MACROD2: variants seen among roughly 807,000 people sequenced by gnomAD.
MACROD2 encodes mono-ADP ribosylhydrolase 2.
MACROD2 carries 36 observed loss-of-function variants against 70.4 expected under a neutral mutation model. That is an observed-to-expected ratio of 0.51 (90% CI 0.39 to 0.68). The LOEUF is 0.68. MACROD2 is among the 30% of genes least tolerant of loss of function. The probability of loss-of-function intolerance (pLI) is 0.00; values close to 1 mark genes in which losing one functional copy is unlikely to be tolerated. For synonymous variants in MACROD2, 172 were observed against 178.8 expected (o/e 0.96, Z 0.30); for missense variants, 496 against 538.4 (o/e 0.92, Z 0.78).
chr20:14,077,955 T>C (rs1481708166), intron 2 of MACROD2, among the ~76,000 whole-genome samples: 1 of 150,788 alleles, frequency 6.6e-6, no homozygotes, highest in African/African-American at 2.4e-5. Flanking sequence ...CAGGCTAGAG[T>C]GCAATGGTGC....
At chr20:14,228,154 T>A (rs1463194170) in intron 3 of MACROD2, among the ~76,000 whole-genome samples, 1 of 120,194 alleles carries the variant, frequency 8.3e-6, no homozygotes, top group Non-Finnish European at 1.7e-5. Context: ...TATATATAGT[T>A]TTTTCTATGT....
chr20:14,022,337 TA>T (rs2053095587), intron 2 of MACROD2, among the ~76,000 whole-genome samples: 1 of 152,202 alleles, frequency 6.6e-6, no homozygotes, highest in South Asian at 2.1e-4. Context: ...ATTTTACATT[TA>T]CTCAGTTTTA....
At chr20:15,212,867 C>T (rs1601237229) in intron 5 of MACROD2, among the ~76,000 whole-genome samples, 1 of 152,278 alleles carries the variant, frequency 6.6e-6, no homozygotes, top group South Asian at 2.1e-4. Flanking sequence ...AATGCAAATC[C>T]TTTTTCTCCA....
chr20:15,680,953 G>A (rs374766877), intron 8 of MACROD2, among the ~76,000 whole-genome samples: 3 of 152,328 alleles, frequency 2.0e-5, no homozygotes, highest in Admixed American at 2.0e-4. Flanking sequence ...ATACTCCCCA[G>A]TGTACCACAA....
chr20:15,978,807 G>A (rs925657649), intron 13 of MACROD2, among the ~76,000 whole-genome samples: 1 of 152,150 alleles, frequency 6.6e-6, no homozygotes, highest in African/African-American at 2.4e-5. Context: ...ATCCCTAAAT[G>A]AGGAAAGAAG....
intron 8 of MACROD2, among the ~76,000 whole-genome samples, chr20:15,817,922 T>C (rs918251841): frequency 6.6e-6 from 1 of 152,220 alleles, no homozygotes; most frequent in East Asian, 1.9e-4. Flanking sequence ...GAATGCCAGT[T>C]ACCTACTGGA....
At chr20:14,025,328 T>C (rs1469121699) in intron 2 of MACROD2, among the ~76,000 whole-genome samples, 2 of 152,196 alleles carry the variant, frequency 1.3e-5, no homozygotes, top group South Asian at 2.1e-4. Context: ...CCTGGATTCA[T>C]TGATGTTTTG....
intron 8 of MACROD2, among the ~76,000 whole-genome samples, chr20:15,519,259 C>T (rs1204121977): frequency 3.9e-5 from 6 of 152,126 alleles, no homozygotes; most frequent in Non-Finnish European, 7.4e-5. Context: ...CACAGGTGCC[C>T]GCCACCACAC....
chr20:15,482,456 A>G (rs1220170803), intron 7 of MACROD2, among the ~76,000 whole-genome samples: 1 of 152,208 alleles, frequency 6.6e-6, no homozygotes, highest in Non-Finnish European at 1.5e-5. Flanking sequence ...GAGGATGTGC[A>G]GAAACAGAAA....
chr20:15,006,188 G>A (rs944067366), intron 5 of MACROD2, among the ~76,000 whole-genome samples: 4 of 109,766 alleles, frequency 3.6e-5, no homozygotes, highest in Admixed American at 9.0e-5. Flanking sequence ...TGTGTACGTT[G>A]GAATATTATG....
At chr20:15,211,105 C>T (rs1197949640) in intron 5 of MACROD2, among the ~76,000 whole-genome samples, 1 of 152,112 alleles carries the variant, frequency 6.6e-6, no homozygotes, top group East Asian at 1.9e-4. Flanking sequence ...TGTTCATTCC[C>T]CCTTCCCCAC....
chr20:15,523,097 C>G (rs6043344), intron 8 of MACROD2, among the ~76,000 whole-genome samples: 5,501 of 152,084 alleles, frequency 0.036, 341 homozygotes, highest in African/African-American at 0.12. Flanking sequence ...GGGAGAGAAG[C>G]GCAACAAAAC....
intron 5 of MACROD2, among the ~76,000 whole-genome samples, chr20:15,213,230 A>C (rs1282043877): frequency 2.6e-5 from 4 of 152,158 alleles, no homozygotes; most frequent in Non-Finnish European, 5.9e-5. Context: ...AGGAGACCTG[A>C]TTATTCTGGT....
intron 8 of MACROD2, among the ~76,000 whole-genome samples, chr20:15,787,283 A>G (rs1266497899): frequency 6.6e-6 from 1 of 152,096 alleles, no homozygotes; most frequent in Admixed American, 6.5e-5. Flanking sequence ...TGGCATACAT[A>G]GTTTTATGTA....
chr20:14,099,828 A>G (rs2054274874), intron 3 of MACROD2, among the ~76,000 whole-genome samples: 1 of 152,110 alleles, frequency 6.6e-6, no homozygotes, highest in Non-Finnish European at 1.5e-5. Context: ...TTTATTTTCT[A>G]TGTTTTTAAA....
chr20:14,227,602 A>G (rs2122190064), intron 3 of MACROD2, among the ~76,000 whole-genome samples: 1 of 152,310 alleles, frequency 6.6e-6, no homozygotes, highest in South Asian at 2.1e-4. Context: ...AGAAGGAACA[A>G]ACTCCGGACA....
intron 8 of MACROD2, among the ~76,000 whole-genome samples, chr20:15,745,510 TATTTCAGTCA>T (rs1478294940): frequency 6.6e-6 from 1 of 152,210 alleles, no homozygotes; most frequent in Admixed American, 6.5e-5. Context: ...GCCTGGATAC[TATTTCAGTCA>T]ATTTCGTGTT....
At position 14,802,023 on chromosome 20, in the gene MACROD2, T is replaced by C. The variant is rs1045341554; in HGVS notation, c.418+117064T>C. Among the ~76,000 whole-genome samples the C allele has an allele frequency of 2.0e-5, 3 of 152,062 alleles. No individual in the cohort carries two copies. The South Asian group carries it at 6.2e-4, about 31-fold the overall frequency. ...ATTAATTCTAGAAACATCAGGAACATAGCAGAATTTAATTATATATGTCTT... is the reference window on the plus strand; with the variant it reads ...ATTAATTCTAGAAACATCAGGAACACAGCAGAATTTAATTATATATGTCTT... On this transcript the variant is annotated intron_variant, in intron 5 of 17. Transcript: ENST00000684519.
chr20:14,619,355 G>T (rs1386408330), intron 4 of MACROD2, among the ~76,000 whole-genome samples: 3 of 143,234 alleles, frequency 2.1e-5, no homozygotes, highest in Non-Finnish European at 3.0e-5. Flanking sequence ...GGAAGAAAAG[G>T]AAGGAAGGGA....
Sources: allele counts gnomAD v4.1 joint callset (sites outside exome capture counted in the v4.1 genomes callset), GRCh38; gene constraint gnomAD v4.1.1; transcripts MANE v1.5; gene names NCBI Gene and HGNC (gene_info 2026-07-23, HGNC 2026-07-21).